The following ATXN10 variants were observed in gnomAD, a reference collection of about 807,000 sequenced individuals.
ATXN10 encodes the protein ataxin 10, also known as ataxin-10.
Under a neutral mutation model 52.9 loss-of-function variants are expected in ATXN10, and 28 were observed. The observed-to-expected ratio is 0.53, with a 90% CI of 0.39 to 0.73. ATXN10 has a LOEUF of 0.73. Ranked by LOEUF, ATXN10 falls within the 30% of genes least tolerant of loss-of-function variation. The pLI is 0.00. For synonymous variants in ATXN10, 226 were observed against 221.5 expected, an observed-to-expected ratio of 1.02 and a Z score of -0.18; for missense variants, 565 against 577.0, an observed-to-expected ratio of 0.98 and a Z score of 0.21.
intron 2 of ATXN10, among the ~76,000 whole-genome samples, chr22:45,691,927 A>AG (rs1303982171): frequency 1.3e-5 from 2 of 151,858 alleles, no homozygotes; most frequent in African/African-American, 4.8e-5. Context: ...TGCTGTCCTG[A>AG]GCCTTACACA....
intron 1 of ATXN10, chr22:45,673,186 A>G (rs1330170292): frequency 6.6e-6 from 1 of 152,278 alleles, no homozygotes; most frequent in East Asian, 1.9e-4. Context: ...TTACCCATGT[A>G]TCAGCTATTG....
At chr22:45,767,983 G>C (rs571359730) in intron 9 of ATXN10, among the ~76,000 whole-genome samples, 6 of 152,298 alleles carry the variant, frequency 3.9e-5, no homozygotes, top group Non-Finnish European at 7.3e-5. Context: ...TGTTAAAGCT[G>C]TTAGACAGCA....
At chr22:45,803,116 C>G (rs1927982354) in intron 9 of ATXN10, among the ~76,000 whole-genome samples, 1 of 152,044 alleles carries the variant, frequency 6.6e-6, no homozygotes, top group African/African-American at 2.4e-5. Context: ...GTGTGCTAAA[C>G]ACACTCACAG....
intron 6 of ATXN10, among the ~76,000 whole-genome samples, chr22:45,722,093 C>T (rs1036978023): frequency 4.6e-5 from 7 of 152,200 alleles, no homozygotes; most frequent in Non-Finnish European, 1.0e-4. Flanking sequence ...GAACTCAGAG[C>T]AGCCTGAGTG....
intron 5 of ATXN10, among the ~76,000 whole-genome samples, chr22:45,704,461 T>G (rs1199105934): frequency 6.6e-6 from 1 of 152,116 alleles, no homozygotes; most frequent in Non-Finnish European, 1.5e-5. Flanking sequence ...TTTTCGTCAG[T>G]TATGTTTTGT....
intron 10 of ATXN10, among the ~76,000 whole-genome samples, chr22:45,838,016 A>G (rs1408561383): frequency 2.0e-5 from 3 of 152,174 alleles, no homozygotes; most frequent in African/African-American, 7.2e-5. Context: ...TTTAAGTAGC[A>G]CTGATTTTGA....
chr22:45,792,871 C>T (rs1927564825), intron 9 of ATXN10: 1 of 506,524 alleles, frequency 2.0e-6, no homozygotes, highest in Non-Finnish European at 4.0e-6. Flanking sequence ...TTTTTACTGA[C>T]TTTGTTAAAT....
In ATXN10 at chr22:45,701,005, A is replaced by T. The variant is rs926850527; in HGVS notation, c.488+627A>T. Among the ~76,000 whole-genome samples the T allele has an allele frequency of 1.3e-5, 2 of 152,156 alleles. No individual in the cohort carries two copies. The highest frequency in any genetic ancestry group is 6.5e-5 in the Admixed American group (1 of 15,282). On this transcript the variant is annotated intron_variant, in intron 4 of 11. Transcript: ENST00000252934. This position sits in a 1 kb window ranked among gnomAD's most constrained non-coding sequence, Gnocchi z 4.2. ...TAAAAACCAGCTCTGTTCATAAGAA[A>T]TTGAGCATTGAGGTAAAAGGTGAGC...
At chr22:45,713,197 C>G (rs780220721) in intron 5 of ATXN10, among the ~76,000 whole-genome samples, 1 of 152,102 alleles carries the variant, frequency 6.6e-6, no homozygotes, top group African/African-American at 2.4e-5. Context: ...CACAGGTGAC[C>G]TTTACTACCT....
At chr22:45,794,103 G>T (rs1214190768) in intron 9 of ATXN10, among the ~76,000 whole-genome samples, 1 of 152,166 alleles carries the variant, frequency 6.6e-6, no homozygotes, top group Non-Finnish European at 1.5e-5. Context: ...GTAACTTCTG[G>T]GTGTTGCCAT....
rs1034983613 is a variant in ATXN10, at chr22:45,826,235, A to G, written c.1238-16756A>G. 6.6e-5 allele frequency among the ~76,000 whole-genome samples: 10 copies of G among 152,040 alleles called. No individual in the cohort carries two copies. The highest frequency in any genetic ancestry group is 1.5e-5 in the Non-Finnish European group (1 of 68,024). Reference sequence around the variant, plus strand: ...GAGCAGGGAGAAGGAAGCTAGGACAATGGAAAATATTAAGTCCAACAAGCA... The same window carrying G: ...GAGCAGGGAGAAGGAAGCTAGGACAGTGGAAAATATTAAGTCCAACAAGCA... On this transcript the variant is annotated intron_variant, in intron 10 of 11. Coordinates refer to ENST00000252934, the MANE Select transcript of ATXN10 (RefSeq NM_013236.4). This position sits in a 1 kb window ranked among gnomAD's most constrained non-coding sequence, Gnocchi z 5.0.
Position 45,678,417 on chromosome 22 carries a change from G to A in ATXN10, c.116+6238G>A, listed in dbSNP as rs1922787930. The stretch of plus-strand genomic sequence containing the variant: ...ATTAGAATGGCTATAATGAAAATGA[G>A]TGACACTGAATTTTGGTGGGCATGT... On this transcript the variant is annotated intron_variant, in intron 1 of 11. Transcript: ENST00000252934. The surrounding 1 kb of genome is among the most constrained non-coding windows in gnomAD (Gnocchi z 4.1). 6.6e-6 allele frequency: 1 copy of A among 152,146 alleles called. No individual in the cohort carries two copies. The highest frequency in any genetic ancestry group is 1.5e-5 in the Non-Finnish European group (1 of 68,030). 9.4% of individuals were successfully genotyped at this position (152,146 alleles called of 1,614,324 possible).
Position 45,786,502 on chromosome 22 carries a change from G to A in ATXN10, c.1174-20457G>A, listed in dbSNP as rs910225732. 3.3e-5 allele frequency among the ~76,000 whole-genome samples: 5 copies of A among 152,178 alleles called. No individual in the cohort carries two copies. Among genetic ancestry groups the A allele is most frequent in the South Asian group, 2.1e-4 (1 of 4,834 alleles). ...GCGAAGCTGGGCGCCAGTGCAGCCCGCACTTTATCACCCTTCCTGCCAGGG... is the reference window on the plus strand; with the variant it reads ...GCGAAGCTGGGCGCCAGTGCAGCCCACACTTTATCACCCTTCCTGCCAGGG... On this transcript the variant is annotated intron_variant, in intron 9 of 11. Transcript: ENST00000252934. This position sits in a 1 kb window ranked among gnomAD's most constrained non-coding sequence, Gnocchi z 4.1.
intron 10 of ATXN10, among the ~76,000 whole-genome samples, chr22:45,814,497 A>G (rs1040262254): frequency 5.3e-5 from 8 of 152,250 alleles, no homozygotes; most frequent in Admixed American, 1.3e-4. Context: ...AAGCAGCCTG[A>G]ACTAATACAT....
intron 1 of ATXN10, among the ~76,000 whole-genome samples, chr22:45,685,400 G>C (rs1167397520): frequency 6.6e-6 from 1 of 152,088 alleles, no homozygotes; most frequent in Admixed American, 6.5e-5. Flanking sequence ...AATTTTAATT[G>C]TCCTTGTAAG....
intron 9 of ATXN10, among the ~76,000 whole-genome samples, chr22:45,785,368 T>C (rs974282172): frequency 6.6e-6 from 1 of 152,238 alleles, no homozygotes; most frequent in Non-Finnish European, 1.5e-5. Context: ...CTAATTAAAC[T>C]GTCTTAAAGA....
At chr22:45,672,426 C>T (rs1039284087) in intron 1 of ATXN10, 1 of 223,376 alleles carries the variant, frequency 4.5e-6, no homozygotes. Flanking sequence ...TGCGAAGCCG[C>T]GATCCCGGGA....
chr22:45,680,984 G>A (rs1417443601), intron 1 of ATXN10, among the ~76,000 whole-genome samples: 2 of 152,106 alleles, frequency 1.3e-5, no homozygotes, highest in African/African-American at 2.4e-5. Context: ...TGGCTCAAAG[G>A]TGTGGTAGTT....
At chr22:45,735,812 C>CTTTTTTTTTT (rs746222703) in intron 7 of ATXN10, among the ~76,000 whole-genome samples, 58 of 65,806 alleles carry the variant, frequency 8.8e-4, no homozygotes, top group East Asian at 2.9e-3. Context: ...ATTTGCTTGT[C>CTTTTTTTTTT]TTTTTTTTTT....
Sources: allele counts gnomAD v4.1 joint callset (sites outside exome capture counted in the v4.1 genomes callset), GRCh38; gene constraint gnomAD v4.1.1; non-coding constraint Gnocchi (gnomAD v3.1); transcripts MANE v1.5; gene names NCBI Gene and HGNC (gene_info 2026-07-23, HGNC 2026-07-21).